CLEC16A: variants seen among roughly 807,000 people sequenced by gnomAD.
The protein encoded by CLEC16A is C-type lectin domain containing 16A.
A neutral mutation model predicts 109.5 loss-of-function variants in CLEC16A; 51 were observed. The observed-to-expected ratio is 0.47, with a 90% CI of 0.37 to 0.59. The LOEUF is 0.59. CLEC16A is among the 20% of genes least tolerant of loss of function. The probability of loss-of-function intolerance (pLI) is 0.00; values close to 1 mark genes in which losing one functional copy is unlikely to be tolerated. For synonymous variants in CLEC16A, 673 were observed against 564.2 expected (o/e 1.19, Z -2.73); for missense variants, 1,339 against 1,394.0 (o/e 0.96, Z 0.63).
intron 19 of CLEC16A, among the ~76,000 whole-genome samples, chr16:11,111,913 C>T (rs573470752): frequency 4.5e-4 from 69 of 152,296 alleles, no homozygotes; most frequent in African/African-American, 1.6e-3. Context: ...ATAAGCTCTC[C>T]TTTGCTGCTA....
intron 8 of CLEC16A, 69 bp downstream of exon 8, chr16:10,977,468 C>A: frequency 1.3e-5 from 17 of 1,357,904 alleles, no homozygotes; most frequent in Non-Finnish European, 1.4e-5. Flanking sequence ...TCCCCAGTCC[C>A]CTGGAATGGG....
intron 19 of CLEC16A, among the ~76,000 whole-genome samples, chr16:11,104,937 C>CCTGGGCTG (rs1409159491): frequency 2.0e-5 from 3 of 152,188 alleles, no homozygotes; most frequent in Non-Finnish European, 2.9e-5. Context: ...TACCCTTGTT[C>CCTGGGCTG]CTGGGCTGCT....
chr16:11,123,600 G>T, intron 20 of CLEC16A, 142 bp from the exon 21 acceptor site: 1 of 767,450 alleles, frequency 1.3e-6, no homozygotes, highest in Non-Finnish European at 2.1e-6. Context: ...TGACTCTGTT[G>T]GACTTGGGAG....
chr16:11,155,190 C>G (rs1358886322), intron 22 of CLEC16A, among the ~76,000 whole-genome samples: 4 of 152,136 alleles, frequency 2.6e-5, no homozygotes, highest in African/African-American at 9.7e-5. Context: ...ACCGTAAATT[C>G]CAGCCGAGGA....
intron 1 of CLEC16A, 121 bp downstream of exon 1, chr16:10,944,918 G>C: frequency 1.0e-6 from 1 of 977,510 alleles, no homozygotes; most frequent in South Asian, 1.6e-5. Flanking sequence ...GGAAGCCCGT[G>C]TGGTGGTTAA....
At chr16:11,136,754 G>A (rs2053584413) in intron 22 of CLEC16A, among the ~76,000 whole-genome samples, 1 of 152,234 alleles carries the variant, frequency 6.6e-6, no homozygotes, top group Admixed American at 6.5e-5. Context: ...CAGAGGCTGA[G>A]CCAGGGCTGG....
intron 22 of CLEC16A, among the ~76,000 whole-genome samples, chr16:11,143,477 A>G (rs2053929384): frequency 6.6e-6 from 1 of 152,066 alleles, no homozygotes; most frequent in South Asian, 2.1e-4. Flanking sequence ...GCTTGTAAAA[A>G]CCATGCCACT....
At chr16:11,003,392 C>A in intron 11 of CLEC16A, 87 bp downstream of exon 11, 2 of 997,476 alleles carry the variant, frequency 2.0e-6, no homozygotes, top group Non-Finnish European at 3.0e-6. Flanking sequence ...TCCACCCAGA[C>A]TTCTGCTCCC....
chr16:10,957,465 G>C (rs1406207310), intron 1 of CLEC16A, among the ~76,000 whole-genome samples: 1 of 152,222 alleles, frequency 6.6e-6, no homozygotes, highest in African/African-American at 2.4e-5. Context: ...GAATTTCCGA[G>C]GGGGCTCCAG....
In CLEC16A at chr16:11,098,718, C is replaced by T. The variant is rs569893917; in HGVS notation, c.2117-21897C>T. Among the ~76,000 whole-genome samples the T allele has an allele frequency of 4.6e-5, 7 of 152,364 alleles. 1 individual carries two copies. The South Asian group carries it at 6.2e-4, about 14-fold the overall frequency. ...GAGGAACCCTGGATCTCTCCCAAGA[C>T]GCTGTGTGTGAGCTTCAGCCTTTCC... On this transcript the variant is annotated intron_variant, in intron 19 of 23. Transcript: ENST00000409790.
chr16:11,148,126 G>C (rs186784337), intron 22 of CLEC16A, among the ~76,000 whole-genome samples: 3 of 152,172 alleles, frequency 2.0e-5, no homozygotes, highest in Non-Finnish European at 4.4e-5. Flanking sequence ...GGGAAAGAAA[G>C]AATTAGAATC....
At position 11,055,575 on chromosome 16, in the gene CLEC16A, CTTTTTTTTTTTTTTTT is replaced by C. The variant is rs71136609; in HGVS notation, c.1995+3950_1995+3965del. Among the ~76,000 whole-genome samples, 20 of 41,762 alleles carry C rather than the reference CTTTTTTTTTTTTTTTT, an allele frequency of 4.8e-4. 2 individuals carry two copies. The highest frequency in any genetic ancestry group is 1.5e-3 in the African/African-American group (14 of 9,268). 27.4% of individuals were successfully genotyped at this position (41,762 alleles called of 152,430 possible). ...CACGATAACGCCGTTTTCCCTCTTG[CTTTTTTTTTTTTTTTT>C]TTTTTTTTTTTTTTTGAGACGAGTC... On this transcript the variant is annotated intron_variant, in intron 18 of 23. Transcript: ENST00000409790.
At chr16:11,007,330 G>A (rs2152763533) in intron 11 of CLEC16A, among the ~76,000 whole-genome samples, 1 of 152,146 alleles carries the variant, frequency 6.6e-6, no homozygotes, top group Non-Finnish European at 1.5e-5. Context: ...TTTTCTTTTG[G>A]AAGTCTCTAC....
At chr16:11,041,218 G>A (rs1362859317) in intron 14 of CLEC16A, 1 of 152,214 alleles carries the variant, frequency 6.6e-6, no homozygotes, top group Non-Finnish European at 1.5e-5. Context: ...AGCACTCATT[G>A]CAATAGGTTT....
At chr16:11,103,692 T>A (rs916682873) in intron 19 of CLEC16A, among the ~76,000 whole-genome samples, 1 of 152,172 alleles carries the variant, frequency 6.6e-6, no homozygotes, top group Non-Finnish European at 1.5e-5. Flanking sequence ...GCTGTGGCTC[T>A]TGTCCCATGG....
intron 12 of CLEC16A, chr16:11,024,144 A>G (rs2046280242): frequency 6.6e-6 from 1 of 152,286 alleles, no homozygotes; most frequent in African/African-American, 2.4e-5. Context: ...CCCTTGGTAT[A>G]TTAAAAATAG....
chr16:11,086,699 T>A (rs938621475), intron 19 of CLEC16A, among the ~76,000 whole-genome samples: 6 of 152,128 alleles, frequency 3.9e-5, no homozygotes, highest in Non-Finnish European at 8.8e-5. Context: ...CCTGCCACCA[T>A]GCCTGGCTAA....
chr16:10,948,192 C>G (rs2041531101), intron 1 of CLEC16A, among the ~76,000 whole-genome samples: 1 of 152,146 alleles, frequency 6.6e-6, no homozygotes, highest in African/African-American at 2.4e-5. Context: ...TGCACCCGGC[C>G]TAGACTTTAC....
At chr16:11,031,546 C>A (rs2046744274) in intron 13 of CLEC16A, among the ~76,000 whole-genome samples, 1 of 152,198 alleles carries the variant, frequency 6.6e-6, no homozygotes, top group Admixed American at 6.5e-5. Flanking sequence ...AATTGAATTC[C>A]TTCTCCCATT....
Sources: gnomAD v4.1 joint callset for allele counts (sites outside exome capture counted in the v4.1 genomes callset) on GRCh38, gnomAD v4.1.1 for gene constraint, MANE v1.5 for transcripts, NCBI Gene and HGNC (gene_info 2026-07-23, HGNC 2026-07-21) for gene names.